The following NELL1 variants were observed in gnomAD, a reference collection of about 807,000 sequenced individuals.
NELL1 encodes protein kinase C-binding protein NELL1.
NELL1 carries 76 observed loss-of-function variants against 107.4 expected under a neutral mutation model. The observed-to-expected ratio is 0.71, with a 90% CI of 0.59 to 0.86. The LOEUF (loss-of-function observed/expected upper bound fraction) is 0.86, where lower values mean the gene tolerates loss of function less well. Ranked by LOEUF, NELL1 falls within the 40% of genes least tolerant of loss-of-function variation. NELL1 has a pLI of 0.00. For synonymous variants in NELL1, 353 were observed against 341.2 expected (o/e 1.03, Z -0.38); for missense variants, 1,024 against 1,005.5 (o/e 1.02, Z -0.25).
At chr11:21,199,715 G>T (rs1392170563) in intron 13 of NELL1, among the ~76,000 whole-genome samples, 1 of 151,972 alleles carries the variant, frequency 6.6e-6, no homozygotes, top group East Asian at 1.9e-4. Context: ...TGTTACATAG[G>T]TATACATGTG....
intron 12 of NELL1, among the ~76,000 whole-genome samples, chr11:20,967,348 A>G (rs918056596): frequency 1.1e-4 from 16 of 151,166 alleles, no homozygotes; most frequent in Non-Finnish European, 1.3e-4. Context: ...TTTTTTTTAC[A>G]TTTTTTACAT....
chr11:21,232,155 A>ATATATATATATATATATAT (rs1554985087), intron 14 of NELL1, among the ~76,000 whole-genome samples: 1 of 50,030 alleles, frequency 2.0e-5, no homozygotes, highest in African/African-American at 8.7e-5. Context: ...AATAAAAAAA[A>ATATATATATATATATATAT]AAAAATATAT....
intron 15 of NELL1, among the ~76,000 whole-genome samples, chr11:21,464,398 G>A (rs528055441): frequency 5.7e-4 from 41 of 71,872 alleles, no homozygotes; most frequent in East Asian, 2.5e-3. Flanking sequence ...GAATATGTCC[G>A]TGGCAAAAAA....
At chr11:21,142,433 G>A (rs948448612) in intron 13 of NELL1, among the ~76,000 whole-genome samples, 2 of 152,136 alleles carry the variant, frequency 1.3e-5, no homozygotes, top group Admixed American at 6.5e-5. Context: ...TATGACTTAG[G>A]GTCTTCTAAA....
At chr11:21,228,698 C>T (rs866098767) in intron 13 of NELL1, among the ~76,000 whole-genome samples, 1 of 2,582 alleles carries the variant, frequency 3.9e-4, no homozygotes, top group East Asian at 0.024. Flanking sequence ...CCTCCCCTCT[C>T]CTTCCCTCCC....
At chr11:21,147,836 CAAAAAAAAAAAAAAAA>C (rs35688285) in intron 13 of NELL1, among the ~76,000 whole-genome samples, 1 of 28,804 alleles carries the variant, frequency 3.5e-5, no homozygotes, top group African/African-American at 1.2e-4. Context: ...AACTCCGTCT[CAAAAAAAAAAAAAAAA>C]AAAAAAAAAA....
chr11:21,552,296 TAAA>T (rs1315155939), intron 16 of NELL1, among the ~76,000 whole-genome samples: 30 of 151,452 alleles, frequency 2.0e-4, no homozygotes, highest in African/African-American at 7.0e-4. Context: ...ATAATAATAA[TAAA>T]AAAGTTAATG....
At chr11:21,244,819 A>C (rs117521306) in intron 14 of NELL1, among the ~76,000 whole-genome samples, 2,333 of 152,264 alleles carry the variant, frequency 0.015, 23 homozygotes, top group Non-Finnish European at 0.024. Flanking sequence ...TTCTGGAGCT[A>C]GACTGCTTGG....
chr11:21,154,602 A>G (rs1856190381), intron 13 of NELL1, among the ~76,000 whole-genome samples: 1 of 152,172 alleles, frequency 6.6e-6, no homozygotes, highest in Admixed American at 6.6e-5. Context: ...GATAAGGACA[A>G]AAATATAAAA....
intron 2 of NELL1, among the ~76,000 whole-genome samples, chr11:20,748,311 G>T (rs1856049309): frequency 6.6e-6 from 1 of 152,112 alleles, no homozygotes; most frequent in African/African-American, 2.4e-5. Flanking sequence ...TTGATTCCTT[G>T]AATACCTCAT....
At chr11:21,191,301 G>T (rs1438644301) in intron 13 of NELL1, among the ~76,000 whole-genome samples, 3 of 151,788 alleles carry the variant, frequency 2.0e-5, no homozygotes, top group Non-Finnish European at 4.4e-5. Flanking sequence ...CACGCATATA[G>T]CAGCATGAGA....
At chr11:20,987,272 A>T (rs1428133995) in intron 12 of NELL1, among the ~76,000 whole-genome samples, 1 of 152,128 alleles carries the variant, frequency 6.6e-6, no homozygotes, top group Admixed American at 6.5e-5. Context: ...TCTAATCAAA[A>T]CCTACACATC....
At chr11:21,300,005 G>A (rs558544635) in intron 14 of NELL1, among the ~76,000 whole-genome samples, 9 of 152,028 alleles carry the variant, frequency 5.9e-5, no homozygotes, top group East Asian at 3.9e-4. Context: ...TGTGACTTTC[G>A]TAGAGAAATT....
chr11:21,220,328 G>C (rs955213190), intron 13 of NELL1, among the ~76,000 whole-genome samples: 1 of 152,064 alleles, frequency 6.6e-6, no homozygotes. Flanking sequence ...GCTCAGTTCT[G>C]CTTTTTGGCT....
At position 20,860,486 on chromosome 11, in the gene NELL1, C is replaced by T. The variant is rs78248661; in HGVS notation, c.506+12733C>T. ...CATTAGTGAATTGTTATTTCTTTGC[C>T]TCAGTCTCCTCATCTGTGTAGGCAT... is the stretch of plus-strand genomic sequence containing the variant. On this transcript the variant is annotated intron_variant, in intron 4 of 19. Transcript: ENST00000357134. Among the ~76,000 whole-genome samples, 1,245 of 152,272 alleles carry T rather than the reference C, an allele frequency of 8.2e-3. 8 individuals are homozygous for T. The highest frequency in any genetic ancestry group is 0.015 in the South Asian group (73 of 4,828).
chr11:20,849,866 G>A (rs1216326744), intron 4 of NELL1, among the ~76,000 whole-genome samples: 1 of 152,134 alleles, frequency 6.6e-6, no homozygotes, highest in Non-Finnish European at 1.5e-5. Flanking sequence ...TAAAAAAATG[G>A]ATAACCAGGC....
At chr11:21,275,540 G>A (rs1228709580) in intron 14 of NELL1, among the ~76,000 whole-genome samples, 4 of 152,116 alleles carry the variant, frequency 2.6e-5, no homozygotes, top group Admixed American at 6.6e-5. Flanking sequence ...ATCCTCCCTA[G>A]CTCATTTTAT....
At chr11:21,405,987 G>T (rs553599570) in intron 15 of NELL1, among the ~76,000 whole-genome samples, 33 of 151,860 alleles carry the variant, frequency 2.2e-4, no homozygotes, top group African/African-American at 8.0e-4. Flanking sequence ...ACAATTCATA[G>T]ACTGAGCCAA....
chr11:21,003,121 C>T (rs1161845754), intron 12 of NELL1, among the ~76,000 whole-genome samples: 1 of 152,044 alleles, frequency 6.6e-6, no homozygotes, highest in South Asian at 2.1e-4. Flanking sequence ...TGAGCATTTC[C>T]TATGTTCCAG....
Sources: gnomAD v4.1 joint callset for allele counts (sites outside exome capture counted in the v4.1 genomes callset) on GRCh38, gnomAD v4.1.1 for gene constraint, MANE v1.5 for transcripts, NCBI Gene and HGNC (gene_info 2026-07-23, HGNC 2026-07-21) for gene names.